The following FMN2 variants were observed in gnomAD, a reference collection of about 807,000 sequenced individuals.
FMN2 encodes formin-2.
In FMN2, 51 loss-of-function variants were observed where a neutral mutation model predicts 142.3. That is an observed-to-expected ratio of 0.36 (90% CI 0.29 to 0.45). The LOEUF (loss-of-function observed/expected upper bound fraction) is 0.45, where lower values mean the gene tolerates loss of function less well. Among genes scored for constraint, FMN2 ranks in the 20% least tolerant of loss-of-function variants. FMN2 has a pLI of 1.00. For missense variants in FMN2, 1,936 were observed against 2,122.8 expected (o/e 0.91, Z 1.73); for synonymous variants, 882 against 869.8 (o/e 1.01, Z -0.25).
intron 6 of FMN2, among the ~76,000 whole-genome samples, chr1:240,239,387 G>T (rs1667816836): frequency 6.6e-6 from 1 of 152,126 alleles, no homozygotes; most frequent in Non-Finnish European, 1.5e-5. Flanking sequence ...AAGACTATTT[G>T]GTCTGTAAAG....
chr1:240,389,153 T>A (rs1231828995), intron 14 of FMN2, among the ~76,000 whole-genome samples: 2 of 152,174 alleles, frequency 1.3e-5, no homozygotes, highest in Non-Finnish European at 2.9e-5. Flanking sequence ...TGCAATTCAC[T>A]CGGCATACTT....
intron 3 of FMN2, among the ~76,000 whole-genome samples, chr1:240,187,233 G>A (rs1665506853): frequency 7.5e-6 from 1 of 133,662 alleles, no homozygotes; most frequent in Admixed American, 8.8e-5. Context: ...TCGCGCCGTT[G>A]CACTCCAGCC....
In FMN2 at chr1:240,473,295, C is replaced by T. The variant is rs1186578628; in HGVS notation, c.5143-833C>T. 6.6e-6 allele frequency among the ~76,000 whole-genome samples: 1 copy of T among 152,076 alleles called. No homozygotes were observed. The highest frequency in any genetic ancestry group is 2.1e-4 in the South Asian group (1 of 4,824). On this transcript the variant is annotated intron_variant, in intron 17 of 17. Coordinates refer to ENST00000319653, the MANE Select transcript of FMN2 (RefSeq NM_020066.5). The surrounding 1 kb of genome is among the most constrained non-coding windows in gnomAD (Gnocchi z 4.3). The stretch of plus-strand genomic sequence containing the variant: ...ATTTAAGTTTCCTGCTTGCCCACTC[C>T]CCGCTTTAAAACAAAATGCCAGGTT...
At chr1:240,464,178 T>C (rs1311483661) in intron 16 of FMN2, among the ~76,000 whole-genome samples, 2 of 152,198 alleles carry the variant, frequency 1.3e-5, no homozygotes, top group Non-Finnish European at 2.9e-5. Flanking sequence ...TGTATGTGTG[T>C]ACAATTTATT....
intron 14 of FMN2, among the ~76,000 whole-genome samples, chr1:240,366,826 C>T (rs1305826072): frequency 2.0e-5 from 3 of 152,196 alleles, no homozygotes; most frequent in Non-Finnish European, 4.4e-5. Flanking sequence ...GCTGGGATTA[C>T]AGGCGTGAGC....
intron 8 of FMN2, among the ~76,000 whole-genome samples, chr1:240,306,959 G>A (rs564797492): frequency 2.6e-5 from 4 of 152,254 alleles, no homozygotes; most frequent in Admixed American, 1.3e-4. Flanking sequence ...GTGTGAGATG[G>A]CATCTCATTG....
Position 240,391,800 on chromosome 1 carries a change from C to T in FMN2, c.4859-711C>T, listed in dbSNP as rs1673613191. 2.0e-5 allele frequency among the ~76,000 whole-genome samples: 3 copies of T among 148,738 alleles called. No individual in the cohort carries two copies. The South Asian group carries it at 6.5e-4, about 32-fold the overall frequency. ...GGAAATGGGTGAAGGTGAAGTAGTA[C>T]ATAATTCCTAGAATGCTTACTTGTC... On this transcript the variant is annotated intron_variant, in intron 14 of 17. Coordinates refer to ENST00000319653, the MANE Select transcript of FMN2 (RefSeq NM_020066.5).
chr1:240,200,231 G>T (rs1416058746), intron 4 of FMN2, among the ~76,000 whole-genome samples: 4 of 152,160 alleles, frequency 2.6e-5, no homozygotes, highest in Non-Finnish European at 4.4e-5. Context: ...ATTCCACTTT[G>T]TGTGGGTCCT....
intron 16 of FMN2, among the ~76,000 whole-genome samples, chr1:240,462,826 G>A (rs1676489446): frequency 6.6e-6 from 1 of 152,126 alleles, no homozygotes; most frequent in Non-Finnish European, 1.5e-5. Flanking sequence ...GTATGTGAAA[G>A]CTTAGAGGAT....
chr1:240,456,957 T>G (rs894482152), intron 16 of FMN2, among the ~76,000 whole-genome samples: 3 of 152,236 alleles, frequency 2.0e-5, no homozygotes, highest in Non-Finnish European at 2.9e-5. Context: ...CCAGGTTTTC[T>G]ATTGCCCTGA....
intron 16 of FMN2, among the ~76,000 whole-genome samples, chr1:240,461,242 AGTG>A (rs1483868930): frequency 6.6e-6 from 1 of 152,198 alleles, no homozygotes; most frequent in African/African-American, 2.4e-5. Context: ...GCCACAAATT[AGTG>A]TGTGATCCTG....
intron 3 of FMN2, among the ~76,000 whole-genome samples, chr1:240,181,398 T>C (rs1665145827): frequency 6.6e-6 from 1 of 152,236 alleles, no homozygotes; most frequent in African/African-American, 2.4e-5. Flanking sequence ...TGTATCTCAC[T>C]TTAACTGCAT....
chr1:240,357,581 T>C (rs768757795), intron 14 of FMN2, among the ~76,000 whole-genome samples: 1 of 151,832 alleles, frequency 6.6e-6, no homozygotes, highest in South Asian at 2.1e-4. Context: ...TGTAAGTAAG[T>C]ATCTCTTCAG....
intron 8 of FMN2, among the ~76,000 whole-genome samples, chr1:240,322,289 TAGG>T (rs1331758127): frequency 3.3e-5 from 5 of 152,168 alleles, no homozygotes; most frequent in African/African-American, 1.2e-4. Context: ...CTATAATTTT[TAGG>T]AGAGTAAAGA....
chr1:240,451,977 G>C (rs772279746), intron 16 of FMN2, among the ~76,000 whole-genome samples: 3 of 151,910 alleles, frequency 2.0e-5, no homozygotes, highest in Non-Finnish European at 4.4e-5. Flanking sequence ...AGATCACAAG[G>C]TCAGGAGATC....
intron 5 of FMN2, among the ~76,000 whole-genome samples, chr1:240,209,212 CA>C (rs1450989082): frequency 9.9e-5 from 15 of 151,408 alleles, no homozygotes; most frequent in Non-Finnish European, 2.1e-4. Flanking sequence ...CCATTTCTGA[CA>C]AACAGCTTAA....
intron 1 of FMN2, among the ~76,000 whole-genome samples, chr1:240,101,094 A>G (rs1447954221): frequency 6.6e-6 from 1 of 152,178 alleles, no homozygotes; most frequent in Non-Finnish European, 1.5e-5. Flanking sequence ...CAGGCTGAGA[A>G]CAATCTATTT....
chr1:240,237,418 G>A (rs1054068858), intron 6 of FMN2, among the ~76,000 whole-genome samples: 1 of 152,108 alleles, frequency 6.6e-6, no homozygotes, highest in Non-Finnish European at 1.5e-5. Context: ...AAGTGTCAAG[G>A]TCTTGTCCGT....
rs758911022 is a variant in FMN2, at chr1:240,144,687, G to A, written c.1782+21342G>A. On this transcript the variant is annotated intron_variant, in intron 2 of 17. Transcript: ENST00000319653. ...TAATTCACACAACTGGTGAGATAAAGGCAGACCTTTGTGTATGCATTCTCA... is the reference window on the plus strand; with the variant it reads ...TAATTCACACAACTGGTGAGATAAAAGCAGACCTTTGTGTATGCATTCTCA... 4.3e-4 allele frequency: 560 copies of A among 1,292,354 alleles called. 2 individuals carry two copies. Among genetic ancestry groups the A allele is most frequent in the Non-Finnish European group, 5.8e-4 (515 of 888,354 alleles). The allele number at this position is 1,292,354 out of a possible 1,614,324, so 80.1% of individuals were successfully genotyped here. A position where few individuals can be genotyped will look rare whatever the true frequency, so the allele number is the denominator to read the frequency against.
Sources: gnomAD v4.1 joint callset for allele counts (sites outside exome capture counted in the v4.1 genomes callset) on GRCh38, gnomAD v4.1.1 for gene constraint, Gnocchi (gnomAD v3.1) non-coding constraint, MANE v1.5 for transcripts, NCBI Gene and HGNC (gene_info 2026-07-23, HGNC 2026-07-21) for gene names.